The following RBFOX1 variants were observed in gnomAD, a reference collection of about 807,000 sequenced individuals.
RBFOX1 encodes the protein RNA binding fox-1 homolog 1.
A neutral mutation model predicts 57.7 loss-of-function variants in RBFOX1; 8 were observed. The ratio of observed to expected loss-of-function variants is 0.14; its 90% confidence interval spans 0.08 to 0.25. The LOEUF is 0.25. RBFOX1 is among the 10% of genes least tolerant of loss of function. RBFOX1 has a pLI of 1.00. For synonymous variants in RBFOX1, 326 were observed against 222.4 expected, an observed-to-expected ratio of 1.47 and a Z score of -4.15; for missense variants, 611 against 548.5, an observed-to-expected ratio of 1.11 and a Z score of -1.14.
intron 4 of RBFOX1, among the ~76,000 whole-genome samples, chr16:7,449,659 G>T (rs2098835675): frequency 7.0e-6 from 1 of 143,664 alleles, no homozygotes; most frequent in Non-Finnish European, 1.5e-5. Context: ...TACATAGTAG[G>T]TCTTGGTGAT....
chr16:6,426,894 C>T lies in RBFOX1; in HGVS notation c.-64+109837C>T, dbSNP rs76252055. ...AAACTTCTTGAGCATTTGGGGGTCA[C>T]GCTGTCATCCCTGGAGTCCTTTCGT... is the stretch of plus-strand genomic sequence containing the variant. On this transcript the variant is annotated intron_variant, in intron 2 of 15. Coordinates refer to ENST00000550418, the MANE Select transcript of RBFOX1 (RefSeq NM_018723.4). Among the ~76,000 whole-genome samples, 709 of 152,268 alleles carry T rather than the reference C, an allele frequency of 4.7e-3. 34 individuals carry two copies. The East Asian group carries it at 0.1, about 22-fold the overall frequency.
intron 4 of RBFOX1, among the ~76,000 whole-genome samples, chr16:7,450,103 A>G (rs1381106765): frequency 1.3e-5 from 2 of 152,086 alleles, no homozygotes; most frequent in African/African-American, 2.4e-5. Context: ...TATAAATAAA[A>G]GGAGAGACTT....
chr16:7,026,183 C>T (rs1008796687), intron 3 of RBFOX1, among the ~76,000 whole-genome samples: 2 of 152,158 alleles, frequency 1.3e-5, no homozygotes, highest in Non-Finnish European at 2.9e-5. Context: ...CTTCTTGGGG[C>T]CTACTCTGAG....
In RBFOX1 at chr16:6,378,381, G is replaced by T. The variant is rs1013651568; in HGVS notation, c.-64+61324G>T. 8.5e-5 allele frequency among the ~76,000 whole-genome samples: 13 copies of T among 152,160 alleles called. 1 individual carries two copies. Among genetic ancestry groups the T allele is most frequent in the Admixed American group, 3.3e-4 (5 of 15,276 alleles). The stretch of plus-strand genomic sequence containing the variant: ...GTGCCACAATCCTTCCCAACAGCTC[G>T]CTGGGCATCTTTCTGCACTAGCCTG... On this transcript the variant is annotated intron_variant, in intron 2 of 15. Transcript: ENST00000550418.
intron 1 of RBFOX1, among the ~76,000 whole-genome samples, chr16:6,258,171 C>G (rs574521099): frequency 6.6e-6 from 1 of 152,166 alleles, no homozygotes; most frequent in South Asian, 2.1e-4. Context: ...CCATTTTTGT[C>G]TAGGGTTTAC....
chr16:7,699,587 C>G (rs1381645880), intron 14 of RBFOX1, among the ~76,000 whole-genome samples: 1 of 152,128 alleles, frequency 6.6e-6, no homozygotes, highest in Non-Finnish European at 1.5e-5. Flanking sequence ...TGTGGCCAGT[C>G]CACACCAGGA....
intron 14 of RBFOX1, among the ~76,000 whole-genome samples, chr16:7,690,595 G>C (rs2077102704): frequency 2.0e-5 from 3 of 152,130 alleles, no homozygotes; most frequent in Admixed American, 1.3e-4. Flanking sequence ...TAAGGAGACA[G>C]ACCCTGGTAC....
intron 3 of RBFOX1, among the ~76,000 whole-genome samples, chr16:6,655,372 T>TAAAAAAAAA (rs2098641136): frequency 5.8e-5 from 1 of 17,104 alleles, no homozygotes; most frequent in Non-Finnish European, 1.3e-4. Context: ...AGCCTCCGTT[T>TAAAAAAAAA]CAAAAAAAAA....
intron 1 of RBFOX1, among the ~76,000 whole-genome samples, chr16:5,284,686 T>A (rs1215560544): frequency 1.3e-5 from 2 of 150,336 alleles, no homozygotes; most frequent in Non-Finnish European, 3.0e-5. Context: ...GAATTGTATA[T>A]GTGAGCCACT....
At chr16:5,379,933 G>T (rs189765893) in intron 1 of RBFOX1, among the ~76,000 whole-genome samples, 1 of 152,170 alleles carries the variant, frequency 6.6e-6, no homozygotes, top group East Asian at 1.9e-4. Flanking sequence ...GGAGAGAAGC[G>T]CTTGGGGCGT....
chr16:5,428,922 G>A (rs1312224204), intron 1 of RBFOX1, among the ~76,000 whole-genome samples: 1 of 152,156 alleles, frequency 6.6e-6, no homozygotes, highest in African/African-American at 2.4e-5. Context: ...AAGGTATAAG[G>A]TGATCTTTAT....
At position 5,607,755 on chromosome 16, in the gene RBFOX1, C is replaced by T. The variant is rs545991482; in HGVS notation, c.318+8794C>T. Among the ~76,000 whole-genome samples the T allele has an allele frequency of 5.3e-5, 8 of 152,314 alleles. No homozygotes were observed. In the East Asian group the frequency reaches 1.5e-3, roughly 29 times the overall value. The stretch of plus-strand genomic sequence containing the variant: ...TCACTGCCTTTCCAATTCCACTGGG[C>T]TCATTTCTGAAATCTCTATAAATGG... On this transcript the variant is annotated intron_variant, in intron 3 of 19. Transcript: ENST00000641259.
chr16:6,585,002 C>A (rs546865835), intron 2 of RBFOX1, among the ~76,000 whole-genome samples: 1 of 152,174 alleles, frequency 6.6e-6, no homozygotes. Flanking sequence ...ACCAAAGCTG[C>A]AGGCAAGCGG....
chr16:6,426,070 C>G (rs574475489), intron 2 of RBFOX1, among the ~76,000 whole-genome samples: 20 of 148,172 alleles, frequency 1.3e-4, no homozygotes, highest in Middle Eastern at 3.5e-3. Flanking sequence ...CTCTGTCTCT[C>G]TGTCTCATTT....
chr16:7,639,677 G>T (rs993076467), intron 11 of RBFOX1, among the ~76,000 whole-genome samples: 1 of 152,144 alleles, frequency 6.6e-6, no homozygotes, highest in Non-Finnish European at 1.5e-5. Context: ...CCCAACAGGA[G>T]ACTTATTCAC....
chr16:6,811,863 T>A (rs1423950054), intron 3 of RBFOX1, among the ~76,000 whole-genome samples: 1 of 152,184 alleles, frequency 6.6e-6, no homozygotes, highest in Non-Finnish European at 1.5e-5. Context: ...CACTCGAGCC[T>A]GGGCAACACG....
chr16:6,703,342 G>C (rs1202527540), intron 3 of RBFOX1, among the ~76,000 whole-genome samples: 1 of 152,122 alleles, frequency 6.6e-6, no homozygotes, highest in Admixed American at 6.5e-5. Flanking sequence ...GGGAGGCTGA[G>C]GCAGGAGGTT....
At chr16:6,610,527 C>T (rs1175358270) in intron 2 of RBFOX1, among the ~76,000 whole-genome samples, 1 of 151,996 alleles carries the variant, frequency 6.6e-6, no homozygotes, top group Non-Finnish European at 1.5e-5. Flanking sequence ...ATGAGGACTC[C>T]CTTTGTTGCT....
At chr16:6,844,286 A>G (rs542550345) in intron 3 of RBFOX1, among the ~76,000 whole-genome samples, 1 of 152,170 alleles carries the variant, frequency 6.6e-6, no homozygotes, top group East Asian at 1.9e-4. Context: ...TTTGCTGCAC[A>G]GGTCATCCCA....
Sources: gnomAD v4.1 joint callset for allele counts (sites outside exome capture counted in the v4.1 genomes callset) on GRCh38, gnomAD v4.1.1 for gene constraint, MANE v1.5 for transcripts, NCBI Gene and HGNC (gene_info 2026-07-23, HGNC 2026-07-21) for gene names.